DMD: variants seen among roughly 807,000 people sequenced by gnomAD.
DMD encodes the protein mutant dystrophin.
In DMD, 63 loss-of-function variants were observed where a neutral mutation model predicts 330.1. That is an observed-to-expected ratio of 0.19 (90% CI 0.16 to 0.24). The LOEUF is 0.24. Ranked by LOEUF, DMD falls within the 10% of genes least tolerant of loss-of-function variation. The pLI is 1.00. For missense variants in DMD, 3,344 were observed against 2,684.1 expected, an observed-to-expected ratio of 1.25 and a Z score of -5.43; for synonymous variants, 1,223 against 959.8, an observed-to-expected ratio of 1.27 and a Z score of -5.07.
intron 44 of DMD, among the ~76,000 whole-genome samples, chrX:32,197,468 G>C (rs772426135): frequency 9.0e-6 from 1 of 111,618 alleles, no homozygotes; most frequent in Non-Finnish European, 1.9e-5. Flanking sequence ...ATGAGCTTTG[G>C]GATTTGGGGA....
At chrX:32,271,576 C>T (rs1423720487) in intron 43 of DMD, among the ~76,000 whole-genome samples, 5 of 112,670 alleles carry the variant, frequency 4.4e-5, no homozygotes, top group African/African-American at 6.4e-5. Flanking sequence ...ATTTTTAAAG[C>T]GTTAGAATTT....
chrX:32,766,162 G>C (rs563174798), intron 7 of DMD, among the ~76,000 whole-genome samples: 3 of 110,574 alleles, frequency 2.7e-5, no homozygotes, highest in East Asian at 2.9e-4. Context: ...TTTCAAGATC[G>C]TTTCAACTAT....
intron 42 of DMD, among the ~76,000 whole-genome samples, chrX:32,294,206 C>A (rs2097486276): frequency 8.9e-6 from 1 of 112,243 alleles, no homozygotes; most frequent in Non-Finnish European, 1.9e-5. Context: ...TCTGCCAAGT[C>A]CTCCACCTGA....
chrX:31,913,808 C>T (rs1373374113), intron 47 of DMD, among the ~76,000 whole-genome samples: 1 of 111,840 alleles, frequency 8.9e-6, no homozygotes, highest in Admixed American at 9.5e-5. Flanking sequence ...AAAGGCTGCT[C>T]TTATCACTGA....
intron 63 of DMD, among the ~76,000 whole-genome samples, chrX:31,243,791 A>G (rs1416108407): frequency 1.8e-5 from 2 of 112,665 alleles, no homozygotes; most frequent in African/African-American, 3.2e-5. Context: ...CATTAACACC[A>G]TTTGACTCAG....
intron 2 of DMD, among the ~76,000 whole-genome samples, chrX:32,878,748 G>T (rs905233305): frequency 1.0e-4 from 11 of 110,333 alleles, no homozygotes; most frequent in African/African-American, 3.3e-4. Context: ...AATGGCTCAT[G>T]CCTGTAAGCC....
intron 16 of DMD, among the ~76,000 whole-genome samples, chrX:32,559,416 T>C (rs1243460983): frequency 1.8e-5 from 2 of 111,966 alleles, no homozygotes; most frequent in Non-Finnish European, 3.8e-5. Context: ...TCTTTTTTAA[T>C]TGGCATCAGG....
chrX:31,522,363 C>CTCTCTCTATA, intron 55 of DMD, among the ~76,000 whole-genome samples: 14 of 35,954 alleles, frequency 3.9e-4, no homozygotes, highest in African/African-American at 1.1e-3. Context: ...CTCTCTCTCT[C>CTCTCTCTATA]TATATATATA....
chrX:32,441,645 C>T (rs1013427942), intron 27 of DMD, among the ~76,000 whole-genome samples: 3 of 111,451 alleles, frequency 2.7e-5, no homozygotes, highest in Non-Finnish European at 5.7e-5. Context: ...ATCTAACTCC[C>T]TCACACATCA....
At chrX:32,512,972 T>G (rs539061597) in intron 18 of DMD, among the ~76,000 whole-genome samples, 1 of 111,986 alleles carries the variant, frequency 8.9e-6, no homozygotes, top group African/African-American at 3.2e-5. Flanking sequence ...GCAGAGAGGC[T>G]AAAGCTGTGT....
chrX:32,740,446 G>C (rs1488228958), intron 7 of DMD, among the ~76,000 whole-genome samples: 1 of 109,981 alleles, frequency 9.1e-6, no homozygotes, highest in Non-Finnish European at 1.9e-5. Flanking sequence ...TTAAACCTCA[G>C]AAAAAAGGAT....
intron 22 of DMD, among the ~76,000 whole-genome samples, chrX:32,470,583 T>A (rs2040524689): frequency 9.0e-6 from 1 of 111,596 alleles, no homozygotes; most frequent in African/African-American, 3.3e-5. Context: ...TCTCCACTCT[T>A]ATTCTTGCAC....
intron 7 of DMD, among the ~76,000 whole-genome samples, chrX:32,776,399 G>T (rs907870781): frequency 1.8e-5 from 2 of 110,107 alleles, no homozygotes; most frequent in Non-Finnish European, 3.8e-5. Flanking sequence ...GTTTTAGTCT[G>T]TTTTCACACT....
intron 29 of DMD, among the ~76,000 whole-genome samples, chrX:32,432,239 G>A (rs1037180443): frequency 3.6e-5 from 4 of 111,488 alleles, no homozygotes; most frequent in African/African-American, 1.3e-4. Context: ...CCAGTTTTAT[G>A]TGGAATCTGT....
intron 7 of DMD, among the ~76,000 whole-genome samples, chrX:32,715,804 A>G (rs1347664155): frequency 9.0e-6 from 1 of 111,164 alleles, no homozygotes; most frequent in Non-Finnish European, 1.9e-5. Context: ...CAGAAACACA[A>G]AAAAAGGAGA....
intron 44 of DMD, among the ~76,000 whole-genome samples, chrX:32,082,437 T>TATCTATC (rs768918512): frequency 5.5e-5 from 6 of 109,513 alleles, no homozygotes; most frequent in Non-Finnish European, 1.1e-4. Context: ...TCTATCTATC[T>TATCTATC]ATTTTGTAGA....
intron 44 of DMD, among the ~76,000 whole-genome samples, chrX:32,195,310 G>A (rs761029008): frequency 2.7e-5 from 3 of 111,143 alleles, no homozygotes; most frequent in Non-Finnish European, 3.8e-5. Context: ...AGGTGAACAA[G>A]CAGGTTTGGA....
chrX:31,396,416 C>T (rs1314426092), intron 60 of DMD, among the ~76,000 whole-genome samples: 3 of 110,595 alleles, frequency 2.7e-5, no homozygotes, highest in Non-Finnish European at 5.7e-5. Flanking sequence ...GGATTACAGG[C>T]GTGAGCCACC....
chrX:32,133,118 T>G (rs1168538862), intron 44 of DMD, among the ~76,000 whole-genome samples: 2 of 107,303 alleles, frequency 1.9e-5, no homozygotes, highest in Non-Finnish European at 3.8e-5. Flanking sequence ...AAGCAATTCT[T>G]CTGCCTCAGC....
Sources: allele counts gnomAD v4.1 joint callset (sites outside exome capture counted in the v4.1 genomes callset), GRCh38; gene constraint gnomAD v4.1.1; transcripts MANE v1.5; gene names NCBI Gene and HGNC (gene_info 2026-07-23, HGNC 2026-07-21).